PCDH15: variants seen among roughly 807,000 people sequenced by gnomAD.
The protein encoded by PCDH15 is protocadherin related 15.
PCDH15 carries 129 observed loss-of-function variants against 178.5 expected under a neutral mutation model. The observed-to-expected ratio is 0.72, with a 90% CI of 0.63 to 0.84. The LOEUF (loss-of-function observed/expected upper bound fraction) is 0.84, where lower values mean the gene tolerates loss of function less well. Among genes scored for constraint, PCDH15 ranks in the 40% least tolerant of loss-of-function variants. The pLI is 0.00. For synonymous variants in PCDH15, 800 were observed against 732.0 expected (o/e 1.09, Z -1.50); for missense variants, 2,230 against 2,099.9 (o/e 1.06, Z -1.21).
intron 3 of PCDH15, among the ~76,000 whole-genome samples, chr10:54,392,997 T>C (rs375084110): frequency 9.2e-5 from 14 of 152,172 alleles, no homozygotes; most frequent in African/African-American, 3.4e-4. Flanking sequence ...TTTTAATCAC[T>C]GATATGTGAT....
chr10:54,317,454 AAAAC>A lies in PCDH15; in HGVS notation c.706-17_706-14del, dbSNP rs886047068. Reference sequence around the variant, plus strand: ...TTTGGGCACGGTCCTGTTAGGGAGAAAAACAAACAACAGGTAGTTTATAGAAATT... The same window carrying A: ...TTTGGGCACGGTCCTGTTAGGGAGAAAAACAACAGGTAGTTTATAGAAATT... On this transcript the variant is annotated splice_polypyrimidine_tract_variant and intron_variant, in intron 7 of 37. Transcript: ENST00000644397. 13 of 1,613,272 alleles carry A rather than the reference AAAAC, an allele frequency of 8.1e-6. No individual in the cohort carries two copies. The highest frequency in any genetic ancestry group is 1.3e-5 in the African/African-American group (1 of 74,870).
chr10:54,267,766 T>G (rs547210911), intron 8 of PCDH15, among the ~76,000 whole-genome samples: 1 of 151,752 alleles, frequency 6.6e-6, no homozygotes, highest in Admixed American at 6.6e-5. Context: ...CACTGCTGAA[T>G]GAAATCATAG....
At chr10:55,235,532 A>G (rs2589415) in intron 1 of PCDH15, among the ~76,000 whole-genome samples, 64,954 of 151,902 alleles carry the variant, frequency 0.43, 13,984 homozygotes, top group South Asian at 0.48. Flanking sequence ...CTATGAGAAG[A>G]GTTCTCATTC....
intron 1 of PCDH15, among the ~76,000 whole-genome samples, chr10:54,687,510 T>A (rs971900561): frequency 2.0e-5 from 3 of 152,132 alleles, no homozygotes; most frequent in African/African-American, 4.8e-5. Context: ...ATTTGGACTC[T>A]TTTGAATCTT....
At chr10:54,152,994 A>G (rs960504810) in intron 14 of PCDH15, 106 bp downstream of exon 14, 2 of 1,288,468 alleles carry the variant, frequency 1.6e-6, no homozygotes, top group African/African-American at 3.0e-5. Context: ...TTCTGATCTA[A>G]TTTAGATGTT....
chr10:55,115,483 T>C (rs1837607621), intron 2 of PCDH15, among the ~76,000 whole-genome samples: 1 of 152,208 alleles, frequency 6.6e-6, no homozygotes. Flanking sequence ...TGACTGTGTC[T>C]TAGAGCTGAA....
intron 2 of PCDH15, among the ~76,000 whole-genome samples, chr10:55,481,283 A>G (rs896979070): frequency 6.6e-6 from 1 of 151,700 alleles, no homozygotes; most frequent in Non-Finnish European, 1.5e-5. Flanking sequence ...TCAGAAAAAC[A>G]GCTTCTGGAT....
At chr10:54,753,895 T>G (rs979814140) in intron 1 of PCDH15, among the ~76,000 whole-genome samples, 3 of 412 alleles carry the variant, frequency 7.3e-3, no homozygotes, top group African/African-American at 0.012. Context: ...TTTGTTTGTG[T>G]TTTTTTTTTT....
intron 1 of PCDH15, among the ~76,000 whole-genome samples, chr10:54,724,662 C>T (rs1483628264): frequency 6.6e-6 from 1 of 150,960 alleles, no homozygotes; most frequent in Non-Finnish European, 1.5e-5. Flanking sequence ...AAAATTGTAA[C>T]AAAATATATA....
At chr10:54,032,561 T>A (rs1024224437) in intron 18 of PCDH15, among the ~76,000 whole-genome samples, 1 of 152,054 alleles carries the variant, frequency 6.6e-6, no homozygotes, top group African/African-American at 2.4e-5. Flanking sequence ...AAATTGCCAA[T>A]TAGTATTTAT....
intron 1 of PCDH15, among the ~76,000 whole-genome samples, chr10:54,670,223 T>C (rs1198871732): frequency 6.6e-6 from 1 of 152,130 alleles, no homozygotes; most frequent in Non-Finnish European, 1.5e-5. Context: ...ATTTACAAGG[T>C]CTTTCATTTC....
intron 2 of PCDH15, among the ~76,000 whole-genome samples, chr10:55,469,481 C>T (rs1839911107): frequency 6.6e-6 from 1 of 151,840 alleles, no homozygotes; most frequent in Non-Finnish European, 1.5e-5. Flanking sequence ...TTTCCCTTGC[C>T]AGTATGTTAG....
At chr10:54,168,228 A>G (rs1462092959) in intron 13 of PCDH15, among the ~76,000 whole-genome samples, 2 of 152,120 alleles carry the variant, frequency 1.3e-5, no homozygotes, top group Admixed American at 6.5e-5. Flanking sequence ...TCTTGTCGTA[A>G]AATAGGCAAA....
chr10:54,386,931 C>T (rs1950003201), intron 3 of PCDH15, among the ~76,000 whole-genome samples: 1 of 152,226 alleles, frequency 6.6e-6, no homozygotes, highest in South Asian at 2.1e-4. Flanking sequence ...ATTAATTTTA[C>T]ATCCCAGTAA....
At chr10:55,508,337 A>C (rs1408399780) in intron 2 of PCDH15, among the ~76,000 whole-genome samples, 1 of 151,764 alleles carries the variant, frequency 6.6e-6, no homozygotes, top group African/African-American at 2.4e-5. Flanking sequence ...CCAAACTAAG[A>C]AACTAACACA....
intron 2 of PCDH15, among the ~76,000 whole-genome samples, chr10:54,951,529 G>A (rs1313241387): frequency 6.6e-6 from 1 of 151,874 alleles, no homozygotes; most frequent in Non-Finnish European, 1.5e-5. Flanking sequence ...AACATTGTGG[G>A]TGAATTTTGG....
chr10:54,275,158 A>G (rs1172493520), intron 8 of PCDH15, among the ~76,000 whole-genome samples: 1 of 151,840 alleles, frequency 6.6e-6, no homozygotes. Context: ...ACAAACAAGT[A>G]CAAGTTGTCA....
chr10:55,354,406 A>G (rs2131970945), intron 2 of PCDH15, among the ~76,000 whole-genome samples: 1 of 152,250 alleles, frequency 6.6e-6, no homozygotes, highest in African/African-American at 2.4e-5. Flanking sequence ...GGTACAATAG[A>G]GAAACAGAGA....
chr10:54,301,365 T>C (rs2060140331), intron 8 of PCDH15, among the ~76,000 whole-genome samples: 2 of 152,242 alleles, frequency 1.3e-5, no homozygotes, highest in South Asian at 4.1e-4. Context: ...ATCATTCTGT[T>C]GTACAAAATG....
Sources: gnomAD v4.1 joint callset for allele counts (sites outside exome capture counted in the v4.1 genomes callset) on GRCh38, gnomAD v4.1.1 for gene constraint, MANE v1.5 for transcripts, NCBI Gene and HGNC (gene_info 2026-07-23, HGNC 2026-07-21) for gene names.